The following ACBD6 variants were observed in gnomAD, a reference collection of about 807,000 sequenced individuals.
ACBD6 encodes the protein acyl-CoA-binding domain-containing protein 6.
A neutral mutation model predicts 37.2 loss-of-function variants in ACBD6; 28 were observed. The observed-to-expected ratio is 0.75, with a 90% CI of 0.56 to 1.03. ACBD6 has a LOEUF of 1.03. ACBD6 is among the 50% of genes least tolerant of loss of function. The pLI is 0.00. For missense variants in ACBD6, 340 were observed against 337.4 expected, an observed-to-expected ratio of 1.01 and a Z score of -0.06; for synonymous variants, 113 against 126.8, an observed-to-expected ratio of 0.89 and a Z score of 0.73.
intron 6 of ACBD6, among the ~76,000 whole-genome samples, chr1:180,331,577 C>T (rs535744362): frequency 2.0e-5 from 3 of 152,262 alleles, no homozygotes; most frequent in South Asian, 2.1e-4. Context: ...TTTCTTTTTA[C>T]GTAAGTATAC....
chr1:180,302,467 G>A (rs1448357490), intron 7 of ACBD6, among the ~76,000 whole-genome samples: 1 of 152,046 alleles, frequency 6.6e-6, no homozygotes, highest in African/African-American at 2.4e-5. Flanking sequence ...TTACCATTAT[G>A]TAATGGCCTT....
intron 6 of ACBD6, among the ~76,000 whole-genome samples, chr1:180,324,520 C>G (rs954224413): frequency 6.6e-6 from 1 of 151,920 alleles, no homozygotes; most frequent in South Asian, 2.1e-4. Context: ...AATTCTCTGA[C>G]TTTTTAACTT....
At chr1:180,381,390 T>C (rs1316141412) in intron 6 of ACBD6, among the ~76,000 whole-genome samples, 5 of 152,324 alleles carry the variant, frequency 3.3e-5, no homozygotes, top group Admixed American at 2.6e-4. Context: ...TACAGAACGT[T>C]TTGTCCAACA....
In ACBD6 at chr1:180,274,812, C is replaced by T. The variant is rs879238096; in HGVS notation, c.*775G>A. ...AGAACACAGCACAGGGGGTAATGGC[C>T]TAGAGCTCTAGGGACACTGGCTTGT... is the stretch of plus-strand genomic sequence containing the variant. On this transcript the variant is annotated 3_prime_UTR_variant, in exon 10 of 14. Transcript: ENST00000642319. The T allele has an allele frequency of 3.3e-5, 17 of 513,948 alleles. 1 individual carries two copies. The South Asian group carries it at 5.2e-4, about 16-fold the overall frequency. 31.8% of individuals were successfully genotyped at this position (513,948 alleles called of 1,614,324 possible).
intron 4 of ACBD6, among the ~76,000 whole-genome samples, chr1:180,418,047 G>GA (rs1648170888): frequency 1.3e-5 from 2 of 151,904 alleles, no homozygotes; most frequent in Non-Finnish European, 2.9e-5. Flanking sequence ...AAAGTCTAAT[G>GA]TTCTTTTTAA....
intron 3 of ACBD6, among the ~76,000 whole-genome samples, chr1:180,443,921 C>A (rs1438512351): frequency 6.6e-6 from 1 of 151,916 alleles, no homozygotes; most frequent in East Asian, 1.9e-4. Flanking sequence ...TCGTGCCCGG[C>A]CATTTCCCTT....
At chr1:180,281,665 C>T (rs1414688271) in intron 8 of ACBD6, among the ~76,000 whole-genome samples, 1 of 152,110 alleles carries the variant, frequency 6.6e-6, no homozygotes, top group Non-Finnish European at 1.5e-5. Flanking sequence ...GCAGGGAGCA[C>T]TGATCAAGCT....
chr1:180,422,072 C>T (rs986846018), intron 4 of ACBD6, among the ~76,000 whole-genome samples: 1 of 152,148 alleles, frequency 6.6e-6, no homozygotes, highest in African/African-American at 2.4e-5. Context: ...TCTAAGTATG[C>T]CTTTCCTATA....
intron 3 of ACBD6, among the ~76,000 whole-genome samples, chr1:180,433,589 T>C (rs1336905482): frequency 3.1e-4 from 3 of 9,554 alleles, no homozygotes; most frequent in Non-Finnish European, 1.6e-3. Context: ...TGTGTGTGTG[T>C]GTGTGTGTGT....
At chr1:180,316,330 G>A (rs1490444866) in intron 6 of ACBD6, among the ~76,000 whole-genome samples, 1 of 148,614 alleles carries the variant, frequency 6.7e-6, no homozygotes, top group Non-Finnish European at 1.5e-5. Flanking sequence ...GTGTGTGCGT[G>A]AGTGCGCACA....
At chr1:180,293,521 T>A (rs1300431169) in intron 7 of ACBD6, among the ~76,000 whole-genome samples, 2 of 152,116 alleles carry the variant, frequency 1.3e-5, no homozygotes, top group East Asian at 3.9e-4. Context: ...TTGGCCAGGC[T>A]AGTCTCAAAC....
At chr1:180,318,141 GAC>G (rs1167472112) in intron 6 of ACBD6, among the ~76,000 whole-genome samples, 1 of 123,694 alleles carries the variant, frequency 8.1e-6, no homozygotes, top group Non-Finnish European at 1.6e-5. Flanking sequence ...CAGCCTGGGT[GAC>G]AGAGTAAGAT....
chr1:180,338,883 C>G (rs1030852279), intron 6 of ACBD6, among the ~76,000 whole-genome samples: 2 of 152,208 alleles, frequency 1.3e-5, no homozygotes, highest in Non-Finnish European at 2.9e-5. Flanking sequence ...TATCAATAGA[C>G]ACTTCTCAAA....
At chr1:180,275,889 C>G (rs1308489851) in intron 9 of ACBD6, 1 of 152,302 alleles carries the variant, frequency 6.6e-6, no homozygotes, top group East Asian at 1.9e-4. Flanking sequence ...AGTAGCAAAT[C>G]ACTAAGCCTG....
chr1:180,391,769 G>C (rs1654085000), intron 6 of ACBD6, among the ~76,000 whole-genome samples: 1 of 152,062 alleles, frequency 6.6e-6, no homozygotes, highest in African/African-American at 2.4e-5. Flanking sequence ...TAAACATAGA[G>C]CTATGCTATG....
exon 14 of ACBD6, chr1:180,271,272 C>A (rs1266870066): frequency 3.1e-6 from 4 of 1,279,178 alleles, no homozygotes; most frequent in Non-Finnish European, 4.6e-6. Flanking sequence ...CGCTGTCCTG[C>A]CTACAGCAGG....
At chr1:180,321,893 G>C (rs1651086755) in intron 6 of ACBD6, among the ~76,000 whole-genome samples, 1 of 152,082 alleles carries the variant, frequency 6.6e-6, no homozygotes, top group South Asian at 2.1e-4. Context: ...CTCTAGCTAG[G>C]TCTTCCATTA....
chr1:180,436,366 A>AT (rs985686092), intron 3 of ACBD6, among the ~76,000 whole-genome samples: 2 of 152,084 alleles, frequency 1.3e-5, no homozygotes, highest in Admixed American at 6.5e-5. Context: ...CCTGAATGGG[A>AT]TTTTTTTTAG....
At chr1:180,335,879 A>C (rs1211628132) in intron 6 of ACBD6, among the ~76,000 whole-genome samples, 1 of 146,844 alleles carries the variant, frequency 6.8e-6, no homozygotes, top group East Asian at 1.9e-4. Flanking sequence ...CTGATAAAAC[A>C]GACTTTAAAC....
Sources: gnomAD v4.1 joint callset for allele counts (sites outside exome capture counted in the v4.1 genomes callset) on GRCh38, gnomAD v4.1.1 for gene constraint, MANE v1.5 for transcripts, NCBI Gene and HGNC (gene_info 2026-07-23, HGNC 2026-07-21) for gene names.